Variants in TSHZ2 observed in about 807,000 individuals in gnomAD.
The protein encoded by TSHZ2 is teashirt zinc finger homeobox 2, also known as teashirt homolog 2.
Under a neutral mutation model 74.4 loss-of-function variants are expected in TSHZ2, and 21 were observed. The ratio of observed to expected loss-of-function variants is 0.28; its 90% CI spans 0.20 to 0.41. TSHZ2 has a LOEUF of 0.41. Among genes scored for constraint, TSHZ2 ranks in the 10% least tolerant of loss-of-function variants. The pLI, the probability that TSHZ2 is intolerant of heterozygous loss-of-function variation, is 1.00. For missense variants in TSHZ2, 1,244 were observed against 1,293.5 expected (o/e 0.96, Z 0.59); for synonymous variants, 540 against 515.3 (o/e 1.05, Z -0.65).
At chr20:53,120,022 A>T (rs1252431245) in intron 1 of TSHZ2, among the ~76,000 whole-genome samples, 1 of 152,132 alleles carries the variant, frequency 6.6e-6, no homozygotes, top group Non-Finnish European at 1.5e-5. Flanking sequence ...ATTCCTCTTT[A>T]TATTTTCCTC....
intron 1 of TSHZ2, among the ~76,000 whole-genome samples, chr20:53,242,187 GT>G (rs1428953765): frequency 6.6e-6 from 1 of 152,122 alleles, no homozygotes; most frequent in Non-Finnish European, 1.5e-5. Flanking sequence ...GGACCGTCCT[GT>G]GCATTGTAGG....
chr20:53,368,767 T>G (rs16984624), intron 2 of TSHZ2, among the ~76,000 whole-genome samples: 122 of 152,390 alleles, frequency 8.0e-4, no homozygotes, highest in African/African-American at 2.8e-3. Flanking sequence ...TATGAAGTAT[T>G]GAACTTTATT....
intron 2 of TSHZ2, among the ~76,000 whole-genome samples, chr20:53,407,827 A>G (rs1021193479): frequency 2.6e-5 from 4 of 152,210 alleles, no homozygotes; most frequent in Non-Finnish European, 5.9e-5. Flanking sequence ...TGTGATACAC[A>G]TGGGTGTGAC....
At chr20:53,377,524 T>G (rs938185914) in intron 2 of TSHZ2, among the ~76,000 whole-genome samples, 2 of 152,182 alleles carry the variant, frequency 1.3e-5, no homozygotes, top group Non-Finnish European at 2.9e-5. Flanking sequence ...CTTTGCTGTC[T>G]CTGTTACAGA....
intron 2 of TSHZ2, among the ~76,000 whole-genome samples, chr20:53,458,331 T>C (rs1385317662): frequency 2.0e-5 from 3 of 151,954 alleles, no homozygotes; most frequent in Admixed American, 6.6e-5. Context: ...TTCTAGATTT[T>C]CTAGTTTATT....
At chr20:53,393,182 C>T (rs1982324553) in intron 2 of TSHZ2, among the ~76,000 whole-genome samples, 1 of 152,158 alleles carries the variant, frequency 6.6e-6, no homozygotes, top group Non-Finnish European at 1.5e-5. Flanking sequence ...CTCAAATATG[C>T]TTCGATGTCT....
chr20:53,458,051 T>C (rs957074593), intron 2 of TSHZ2, among the ~76,000 whole-genome samples: 1 of 152,128 alleles, frequency 6.6e-6, no homozygotes, highest in Non-Finnish European at 1.5e-5. Flanking sequence ...CCGGCTTTGG[T>C]ATCAGAATGA....
rs75394399 is a variant in TSHZ2, at chr20:53,133,707, C to T, written c.41-119792C>T. On this transcript the variant is annotated intron_variant, in intron 1 of 2. Coordinates refer to ENST00000371497, the MANE Select transcript of TSHZ2 (RefSeq NM_173485.6). ...ATCTAGCCATTCCAGTGAATTCTATCGCATTGCCAAATATAGTATTGGGAG... is the reference window on the plus strand; with the variant it reads ...ATCTAGCCATTCCAGTGAATTCTATTGCATTGCCAAATATAGTATTGGGAG... 5.3e-3 allele frequency among the ~76,000 whole-genome samples: 807 copies of T among 152,210 alleles called. 10 individuals are homozygous for T. Among genetic ancestry groups the T allele is most frequent in the African/African-American group, 0.018 (752 of 41,524 alleles).
chr20:53,015,708 G>A (rs1380722100), intron 1 of TSHZ2, among the ~76,000 whole-genome samples: 1 of 152,108 alleles, frequency 6.6e-6, no homozygotes, highest in Non-Finnish European at 1.5e-5. Flanking sequence ...TGGAAGAAAT[G>A]GAATCAGAAT....
intron 1 of TSHZ2, among the ~76,000 whole-genome samples, chr20:53,128,837 G>A (rs559220968): frequency 7.9e-5 from 12 of 152,222 alleles, no homozygotes; most frequent in African/African-American, 2.9e-4. Flanking sequence ...GGCCAGGCTG[G>A]TCTTGAACTC....
intron 1 of TSHZ2, among the ~76,000 whole-genome samples, chr20:53,180,152 G>A (rs1988436367): frequency 6.7e-6 from 1 of 148,444 alleles, no homozygotes; most frequent in Admixed American, 6.6e-5. Flanking sequence ...ACAAAAGAAA[G>A]AGATTGGGAG....
chr20:53,329,830 G>C (rs1031003455), intron 2 of TSHZ2, among the ~76,000 whole-genome samples: 4 of 152,240 alleles, frequency 2.6e-5, no homozygotes, highest in African/African-American at 9.6e-5. Flanking sequence ...AAGAGAGAGA[G>C]AGAGAGACAG....
chr20:53,069,188 G>C (rs1985090583), intron 1 of TSHZ2, among the ~76,000 whole-genome samples: 1 of 152,134 alleles, frequency 6.6e-6, no homozygotes, highest in Non-Finnish European at 1.5e-5. Flanking sequence ...GAAATATGAA[G>C]AGATACCTTC....
At chr20:53,387,102 CAGAG>C (rs1195277526) in intron 2 of TSHZ2, among the ~76,000 whole-genome samples, 2 of 152,164 alleles carry the variant, frequency 1.3e-5, no homozygotes, top group Non-Finnish European at 2.9e-5. Context: ...CCTGCCTAGA[CAGAG>C]AGCGTCTTTA....
rs557955050 is a variant in TSHZ2 at position 52,984,990 on chromosome 20, A to G, written c.40+11657A>G. On this transcript the variant is annotated intron_variant, in intron 1 of 2. Coordinates refer to ENST00000371497, the MANE Select transcript of TSHZ2 (RefSeq NM_173485.6). Reference sequence around the variant, plus strand: ...GGGTCTTACTGCAAATTGTCAGTCTATCGTTCTCTGAGCCAAAGTGGAAAC... The same window carrying G: ...GGGTCTTACTGCAAATTGTCAGTCTGTCGTTCTCTGAGCCAAAGTGGAAAC... Among the ~76,000 whole-genome samples, 9 of 152,340 alleles carry G rather than the reference A, an allele frequency of 5.9e-5. No individual in the cohort carries two copies. In the South Asian group the frequency reaches 1.2e-3, roughly 21 times the overall value.
intron 2 of TSHZ2, among the ~76,000 whole-genome samples, chr20:53,373,591 T>G (rs981808539): frequency 2.6e-5 from 4 of 152,152 alleles, no homozygotes; most frequent in Non-Finnish European, 5.9e-5. Flanking sequence ...AGAGAGACGG[T>G]GATGACTTAA....
intron 1 of TSHZ2, among the ~76,000 whole-genome samples, chr20:53,210,071 C>T (rs940144079): frequency 6.6e-6 from 1 of 152,232 alleles, no homozygotes; most frequent in Non-Finnish European, 1.5e-5. Context: ...GTTCCCAGAT[C>T]CCCGTCGCAG....
rs11472377 is a variant in TSHZ2, at chr20:53,492,068, CAAAA to C, written c.*4946_*4949del. 1 of 118,876 alleles carries C rather than the reference CAAAA, an allele frequency of 8.4e-6. No homozygotes were observed. The highest frequency in any genetic ancestry group is 8.6e-5 in the Admixed American group (1 of 11,572). 7.4% of individuals were successfully genotyped at this position (118,876 alleles called of 1,614,324 possible). On this transcript the variant is annotated 3_prime_UTR_variant, in exon 3 of 3. Transcript: ENST00000371497. The stretch of plus-strand genomic sequence containing the variant: ...TCAAAAAATTTGAACAAAGGCATTA[CAAAA>C]AAAAAAAAAAAACTAACCACTCCAT...
At chr20:53,418,327 C>T (rs1600624052) in intron 2 of TSHZ2, among the ~76,000 whole-genome samples, 1 of 152,310 alleles carries the variant, frequency 6.6e-6, no homozygotes, top group Admixed American at 6.5e-5. Context: ...CAAAAAACAG[C>T]CCTCTTGATT....
Sources: allele counts gnomAD v4.1 joint callset (sites outside exome capture counted in the v4.1 genomes callset), GRCh38; gene constraint gnomAD v4.1.1; transcripts MANE v1.5; gene names NCBI Gene and HGNC (gene_info 2026-07-23, HGNC 2026-07-21).